Variants in CFAP54 observed in about 807,000 individuals in gnomAD.
CFAP54 encodes cilia and flagella associated protein 54, also known as cilia- and flagella-associated protein 54.
In CFAP54, 290 loss-of-function variants were observed where a neutral mutation model predicts 370.4. That is an observed-to-expected ratio of 0.78 (90% CI 0.71 to 0.86). CFAP54 has a LOEUF of 0.86. Ranked by LOEUF, CFAP54 falls within the 40% of genes least tolerant of loss-of-function variation. The probability of loss-of-function intolerance (pLI) is 0.00; values close to 1 mark genes in which losing one functional copy is unlikely to be tolerated. For missense variants in CFAP54, 3,399 were observed against 3,528.7 expected (o/e 0.96, Z 0.93); for synonymous variants, 1,206 against 1,236.5 (o/e 0.98, Z 0.52).
intron 5 of CFAP54, among the ~76,000 whole-genome samples, chr12:96,513,814 T>C (rs574451804): frequency 6.6e-6 from 1 of 152,304 alleles, no homozygotes; most frequent in Admixed American, 6.5e-5. Context: ...ACCCCCTTTA[T>C]GTCATGATAC....
intron 13 of CFAP54, chr12:96,540,020 C>T (rs921772296): frequency 3.4e-4 from 51 of 152,196 alleles, no homozygotes; most frequent in African/African-American, 1.2e-3. Flanking sequence ...ACATAAATAC[C>T]GTTTTATAAT....
rs910662205 is a variant in CFAP54, at chr12:96,554,530, T to C, written c.2284-146T>C. 37 of 1,057,330 alleles carry C rather than the reference T, an allele frequency of 3.5e-5. No homozygotes were observed. The African/African-American group carries it at 5.8e-4, about 17-fold the overall frequency. 65.5% of individuals were successfully genotyped at this position (1,057,330 alleles called of 1,614,324 possible). A position where few individuals can be genotyped will look rare whatever the true frequency, so the allele number is the denominator to read the frequency against. On this transcript the variant is annotated intron_variant, in intron 16 of 67. Coordinates refer to ENST00000524981, the MANE Select transcript of CFAP54 (RefSeq NM_001306084.2). ...ATTCTAAGGGCATATTTATTAGTGT[T>C]TAAGCAAACTGCAAAGGGCTGAGAA...
chr12:96,839,235 A>G (rs1317268453), intron 66 of CFAP54, among the ~76,000 whole-genome samples: 2 of 152,176 alleles, frequency 1.3e-5, no homozygotes, highest in Non-Finnish European at 2.9e-5. Flanking sequence ...ATAAGAATGA[A>G]AATAGTACTT....
intron 60 of CFAP54, among the ~76,000 whole-genome samples, chr12:96,769,787 C>T (rs1237315866): frequency 6.6e-6 from 1 of 152,166 alleles, no homozygotes; most frequent in African/African-American, 2.4e-5. Flanking sequence ...AGAACGTAAA[C>T]ACCCTACTTT....
chr12:96,569,563 T>G (rs1565899553), intron 19 of CFAP54, among the ~76,000 whole-genome samples: 1 of 152,226 alleles, frequency 6.6e-6, no homozygotes, highest in Non-Finnish European at 1.5e-5. Context: ...GTTTTCCAGT[T>G]GTTTCTCTTG....
At chr12:96,738,215 C>A (rs1207369532) in intron 50 of CFAP54, among the ~76,000 whole-genome samples, 3 of 152,106 alleles carry the variant, frequency 2.0e-5, no homozygotes, top group African/African-American at 4.8e-5. Flanking sequence ...GAAGCCATGG[C>A]AACTTCTGGG....
intron 26 of CFAP54, among the ~76,000 whole-genome samples, chr12:96,604,181 A>G (rs565233305): frequency 2.0e-5 from 3 of 151,604 alleles, no homozygotes; most frequent in African/African-American, 2.4e-5. Context: ...TATTCCTTTC[A>G]TTTGTTAGTT....
chr12:96,550,826 A>C (rs1342080201), intron 15 of CFAP54, among the ~76,000 whole-genome samples: 1 of 152,220 alleles, frequency 6.6e-6, no homozygotes, highest in African/African-American at 2.4e-5. Flanking sequence ...TGATGGGCAT[A>C]GTTTTTATAC....
chr12:96,608,326 CACACACACAT>C (rs1264067579), intron 26 of CFAP54, among the ~76,000 whole-genome samples: 30 of 151,852 alleles, frequency 2.0e-4, no homozygotes, highest in African/African-American at 7.2e-4. Context: ...CACACACACA[CACACACACAT>C]ACGCACACAC....
chr12:96,697,267 A>G (rs1469928445), intron 45 of CFAP54, among the ~76,000 whole-genome samples: 2 of 152,220 alleles, frequency 1.3e-5, no homozygotes, highest in East Asian at 3.8e-4. Flanking sequence ...GAAAGAGTCC[A>G]TGTTCAGAAA....
At chr12:96,667,354 G>A (rs534915769) in intron 39 of CFAP54, among the ~76,000 whole-genome samples, 1 of 152,336 alleles carries the variant, frequency 6.6e-6, no homozygotes, top group African/African-American at 2.4e-5. Context: ...CCTGACAGAG[G>A]TTCTCCATGA....
At chr12:96,741,671 G>T (rs923977096) in intron 51 of CFAP54, among the ~76,000 whole-genome samples, 7 of 152,158 alleles carry the variant, frequency 4.6e-5, no homozygotes, top group Non-Finnish European at 8.8e-5. Flanking sequence ...AGTTCCTAGT[G>T]TCTACGATGG....
intron 50 of CFAP54, among the ~76,000 whole-genome samples, chr12:96,731,363 A>T (rs2136627560): frequency 6.6e-6 from 1 of 152,328 alleles, no homozygotes; most frequent in African/African-American, 2.4e-5. Context: ...GCTATGGTTG[A>T]CTTGAAGAAG....
At chr12:96,655,344 A>G (rs548741738) in intron 36 of CFAP54, among the ~76,000 whole-genome samples, 3 of 151,936 alleles carry the variant, frequency 2.0e-5, no homozygotes, top group East Asian at 1.9e-4. Context: ...CTTACCTCCT[A>G]TGTGAACTAT....
chr12:96,552,161 G>T lies in CFAP54; in HGVS notation c.2155-2021G>T, dbSNP rs891418858. ...CTTGGAAGCCTGAGGCAGGAGAATT[G>T]CTTGAACCTGGGAGGCAGAGGTTGC... On this transcript the variant is annotated intron_variant, in intron 15 of 67. Coordinates refer to ENST00000524981, the MANE Select transcript of CFAP54 (RefSeq NM_001306084.2). Among the ~76,000 whole-genome samples the T allele has an allele frequency of 2.0e-5, 3 of 149,796 alleles. No homozygotes were observed. In the South Asian group the frequency reaches 6.3e-4, roughly 31 times the overall value.
At chr12:96,756,016 T>C (rs1958253615) in intron 56 of CFAP54, among the ~76,000 whole-genome samples, 1 of 152,170 alleles carries the variant, frequency 6.6e-6, no homozygotes, top group South Asian at 2.1e-4. Context: ...TTAGATTGAT[T>C]CCATATCTTG....
intron 15 of CFAP54, among the ~76,000 whole-genome samples, chr12:96,548,521 G>A (rs10777800): frequency 0.16 from 24,092 of 152,014 alleles, 3,019 homozygotes; most frequent in East Asian, 0.51. Flanking sequence ...AATGGTACCA[G>A]TCAAATGCCA....
At chr12:96,787,087 C>A (rs1179436663) in intron 62 of CFAP54, among the ~76,000 whole-genome samples, 189 bp downstream of exon 62, 1 of 152,198 alleles carries the variant, frequency 6.6e-6, no homozygotes, top group Non-Finnish European at 1.5e-5. Flanking sequence ...GGACAGTTCA[C>A]ATTTCAATTG....
At chr12:96,720,372 G>A (rs775043568) in intron 49 of CFAP54, 33 bp from the exon 50 acceptor site, 2 of 1,359,780 alleles carry the variant, frequency 1.5e-6, no homozygotes, top group East Asian at 5.5e-5. Flanking sequence ...TATTATTTCT[G>A]AACTCACGTG....
Sources: gnomAD v4.1 joint callset for allele counts (sites outside exome capture counted in the v4.1 genomes callset) on GRCh38, gnomAD v4.1.1 for gene constraint, MANE v1.5 for transcripts, NCBI Gene and HGNC (gene_info 2026-07-23, HGNC 2026-07-21) for gene names.